TMEM267: variants seen among roughly 807,000 people sequenced by gnomAD.
TMEM267 encodes the protein transmembrane protein C5orf28.
In TMEM267, 20 loss-of-function variants were observed where a neutral mutation model predicts 19.3. The observed-to-expected ratio is 1.04, with a 90% CI of 0.73 to 1.51. The LOEUF is 1.51. TMEM267 is among the 40% of genes most tolerant of loss of function. TMEM267 has a pLI of 0.00. For missense variants in TMEM267, 242 were observed against 261.9 expected (o/e 0.92, Z 0.52); for synonymous variants, 88 against 90.3 (o/e 0.97, Z 0.15).
At chr5:43,448,991 A>T (rs957039030) in intron 2 of TMEM267, among the ~76,000 whole-genome samples, 1 of 152,140 alleles carries the variant, frequency 6.6e-6, no homozygotes, top group Non-Finnish European at 1.5e-5. Context: ...TTAAAAAAAG[A>T]TAATAATTGA....
intron 2 of TMEM267, among the ~76,000 whole-genome samples, chr5:43,453,245 G>A (rs925085889): frequency 3.9e-5 from 6 of 152,188 alleles, no homozygotes; most frequent in African/African-American, 7.2e-5. Flanking sequence ...CATACTAACT[G>A]TAAAACATAA....
rs749015076 is a variant in TMEM267 at position 43,446,543 on chromosome 5, G to A, written c.327C>T (p.Leu109=). 27 of 1,608,828 alleles carry A rather than the reference G, an allele frequency of 1.7e-5. No individual in the cohort carries two copies. The South Asian group carries it at 2.7e-4, about 16-fold the overall frequency. ...AACAGTGAAGGAAAGGTCTTCGCGG[G>A]AGAGTCAAAGCAGCCTGAGGGAGCA... ...GSMSLKAALT[L]PRRPFLHCST... The change falls in exon 3 of 3, where the codon CTC becomes CTT. Residue 109 remains leucine (L), a synonymous_variant. Coordinates refer to ENST00000397080, the MANE Select transcript of TMEM267 (RefSeq NM_022483.5).
intron 1 of TMEM267, among the ~76,000 whole-genome samples, chr5:43,477,898 G>T (rs1744523774): frequency 6.6e-6 from 1 of 152,198 alleles, no homozygotes; most frequent in Non-Finnish European, 1.5e-5. Context: ...TATACAGATG[G>T]TTTCAACCTA....
intron 1 of TMEM267, among the ~76,000 whole-genome samples, chr5:43,470,598 T>A (rs1333842335): frequency 1.3e-5 from 2 of 152,194 alleles, no homozygotes; most frequent in Non-Finnish European, 2.9e-5. Context: ...CTTTCTAAAC[T>A]GATTGAGAGC....
rs1012160657 is a variant in TMEM267, at chr5:43,446,093, G to T, written c.*129C>A. On this transcript the variant is annotated 3_prime_UTR_variant, in exon 3 of 3. Coordinates refer to ENST00000397080, the MANE Select transcript of TMEM267 (RefSeq NM_022483.5). ...AAAGTTGTATACACTTCCTGAGCAA[G>T]AGGATTGCAGAATTATAATAACTAA... 1 of 585,494 alleles carries T rather than the reference G, an allele frequency of 1.7e-6. No homozygotes were observed. Among genetic ancestry groups the T allele is most frequent in the Non-Finnish European group, 2.9e-6 (1 of 343,968 alleles). The allele number at this position is 585,494 out of a possible 1,614,324, so 36.3% of individuals were successfully genotyped here.
At chr5:43,461,169 G>C (rs552671831) in intron 1 of TMEM267, among the ~76,000 whole-genome samples, 1 of 152,232 alleles carries the variant, frequency 6.6e-6, no homozygotes, top group African/African-American at 2.4e-5. Flanking sequence ...GTCATTTCTA[G>C]ACATACTCAG....
intron 1 of TMEM267, chr5:43,454,751 C>T (rs1003597808): frequency 2.6e-5 from 4 of 152,206 alleles, no homozygotes; most frequent in African/African-American, 9.7e-5. Context: ...GCTACCCCAA[C>T]ATTTTCCCAT....
In TMEM267 at chr5:43,468,125, G is replaced by T. The variant is rs185860864; in HGVS notation, c.-74-14082C>A. 9.7e-3 allele frequency among the ~76,000 whole-genome samples: 1,468 copies of T among 151,828 alleles called. 13 individuals carry two copies. Among genetic ancestry groups the T allele is most frequent in the Non-Finnish European group, 0.012 (833 of 67,930 alleles). On this transcript the variant is annotated intron_variant, in intron 1 of 2. Coordinates refer to ENST00000397080, the MANE Select transcript of TMEM267 (RefSeq NM_022483.5). Reference sequence around the variant, plus strand: ...CATACCTTGGTTTAGGAAGGGGAGTGGGGGGGCGGGTGTCTAGTTAGAACA... The same window carrying T: ...CATACCTTGGTTTAGGAAGGGGAGTTGGGGGGCGGGTGTCTAGTTAGAACA...
At chr5:43,462,896 A>C (rs180963359) in intron 1 of TMEM267, among the ~76,000 whole-genome samples, 1 of 152,336 alleles carries the variant, frequency 6.6e-6, no homozygotes, top group East Asian at 1.9e-4. Flanking sequence ...AGCAAGAGCA[A>C]ACACATTCAA....
At chr5:43,475,516 A>C (rs1006035540) in intron 1 of TMEM267, among the ~76,000 whole-genome samples, 2 of 152,134 alleles carry the variant, frequency 1.3e-5, no homozygotes, top group Non-Finnish European at 2.9e-5. Flanking sequence ...CCAGAACTTA[A>C]AGTATAATTT....
At chr5:43,455,995 C>CTT (rs879869645) in intron 1 of TMEM267, among the ~76,000 whole-genome samples, 1 of 143,638 alleles carries the variant, frequency 7.0e-6, no homozygotes, top group African/African-American at 2.5e-5. Flanking sequence ...GTCACCATGC[C>CTT]TTTTTTTTTT....
At chr5:43,465,195 C>T (rs1743571477) in intron 1 of TMEM267, among the ~76,000 whole-genome samples, 1 of 152,154 alleles carries the variant, frequency 6.6e-6, no homozygotes, top group African/African-American at 2.4e-5. Context: ...AGCCAAAAAA[C>T]ACATGAAAAA....
chr5:43,483,891 G>A (rs571868788), upstream of TMEM267: 6 of 152,328 alleles, frequency 3.9e-5, no homozygotes, highest in African/African-American at 1.4e-4. Context: ...GAGCCATAGA[G>A]ACGTCGGCTG....
chr5:43,481,516 T>G (rs1320459361), intron 1 of TMEM267, among the ~76,000 whole-genome samples: 11 of 152,076 alleles, frequency 7.2e-5, no homozygotes, highest in Non-Finnish European at 4.4e-5. Context: ...TACATGATGA[T>G]CCAAATTTAA....
At position 43,453,709 on chromosome 5, in the gene TMEM267, G is replaced by T; in HGVS notation, c.261C>A (p.Ala87=). 3 of 1,613,990 alleles carry T rather than the reference G, an allele frequency of 1.9e-6. No individual in the cohort carries two copies. Among genetic ancestry groups the T allele is most frequent in the Non-Finnish European group, 2.5e-6 (3 of 1,179,892 alleles). ...AAAAGTGGTCTACATCAATAACAGA[G>T]GCTAAAAATCCAGCTAAAATGATTT... is the stretch of plus-strand genomic sequence containing the variant. The part of the protein sequence containing the change: ...FGEIILAGFL[A]SVIDVDHFFL... Residue 87 remains alanine, a synonymous_variant, in exon 2 of 3, where the codon GCC becomes GCA. Transcript: ENST00000397080.
At chr5:43,464,270 G>A (rs1408584378) in intron 1 of TMEM267, among the ~76,000 whole-genome samples, 1 of 151,808 alleles carries the variant, frequency 6.6e-6, no homozygotes, top group Non-Finnish European at 1.5e-5. Flanking sequence ...ACCTCTTCAA[G>A]GAGAACTACA....
At chr5:43,453,332 T>A (rs1742726529) in intron 2 of TMEM267, among the ~76,000 whole-genome samples, 1 of 152,222 alleles carries the variant, frequency 6.6e-6, no homozygotes, top group Non-Finnish European at 1.5e-5. Flanking sequence ...GCCTTGAGAA[T>A]CACCCCTGTT....
intron 2 of TMEM267, among the ~76,000 whole-genome samples, chr5:43,447,550 T>G (rs1742327824): frequency 6.6e-6 from 1 of 152,212 alleles, no homozygotes; most frequent in African/African-American, 2.4e-5. Flanking sequence ...AAAATAAAGC[T>G]GAGGATAGTT....
intron 1 of TMEM267, among the ~76,000 whole-genome samples, chr5:43,456,683 T>A (rs1742972584): frequency 1.3e-5 from 2 of 152,152 alleles, no homozygotes; most frequent in African/African-American, 4.8e-5. Flanking sequence ...ATTAGGGAAA[T>A]GCAAATTTTA....
Sources: allele counts gnomAD v4.1 joint callset (sites outside exome capture counted in the v4.1 genomes callset), GRCh38; gene constraint gnomAD v4.1.1; transcripts MANE v1.5; gene names NCBI Gene and HGNC (gene_info 2026-07-23, HGNC 2026-07-21).